CAPN14: variants seen among roughly 807,000 people sequenced by gnomAD.
The protein encoded by CAPN14 is calpain-14.
A neutral mutation model predicts 101.3 loss-of-function variants in CAPN14; 94 were observed. That is an observed-to-expected ratio of 0.93 (90% CI 0.79 to 1.10). The LOEUF (loss-of-function observed/expected upper bound fraction) is 1.10, where lower values mean the gene tolerates loss of function less well. Among genes scored for constraint, CAPN14 ranks in the 50% least tolerant of loss-of-function variants. The pLI is 0.00. For synonymous variants in CAPN14, 338 were observed against 317.9 expected (o/e 1.06, Z -0.67); for missense variants, 837 against 828.4 (o/e 1.01, Z -0.13).
intron 1 of CAPN14, among the ~76,000 whole-genome samples, chr2:31,212,004 CA>C (rs1393913246): frequency 6.6e-6 from 1 of 152,096 alleles, no homozygotes; most frequent in Non-Finnish European, 1.5e-5. Context: ...CATCAAAACT[CA>C]ATGAACTATG....
At position 31,193,188 on chromosome 2, in the gene CAPN14, G is replaced by A. The variant is rs373818859; in HGVS notation, c.1057C>T (p.Arg353Trp). 1.7e-5 allele frequency: 27 copies of A among 1,551,332 alleles called. No individual in the cohort carries two copies. Among genetic ancestry groups the A allele is most frequent in the African/African-American group, 1.5e-4 (11 of 73,030 alleles). ...CTCCGCTTCTCCCATCTCCCCTCCC[G>A]CATGGTGTACGTCCACTTCTGGGCC... ...EAAQKWTYTM[R>W]EGRWEKRSTA... Residue 353 changes from arginine (R) to tryptophan (W), a missense_variant, in exon 10 of 22, where the codon CGG becomes TGG. Arg to Trp is a moderately radical substitution (Grantham distance 101). Transcript: ENST00000403897.
intron 1 of CAPN14, among the ~76,000 whole-genome samples, chr2:31,214,617 C>T (rs922307461): frequency 6.6e-6 from 1 of 152,142 alleles, no homozygotes; most frequent in Non-Finnish European, 1.5e-5. Context: ...CTGCATGCCT[C>T]TATGGAGGTC....
At chr2:31,224,692 CTA>C (rs905655037) in intron 2 of CAPN14, among the ~76,000 whole-genome samples, 2 of 151,652 alleles carry the variant, frequency 1.3e-5, no homozygotes, top group African/African-American at 4.8e-5. Flanking sequence ...AATAAAATAA[CTA>C]TATATATTGT....
At chr2:31,201,179 ATGTGCATGTGTG>A (rs1245395848) in intron 5 of CAPN14, among the ~76,000 whole-genome samples, 13 of 133,220 alleles carry the variant, frequency 9.8e-5, no homozygotes, top group African/African-American at 2.3e-4. Context: ...GCGTGCATGT[ATGTGCATGTGTG>A]TGTGCATGTG....
intron 16 of CAPN14, among the ~76,000 whole-genome samples, chr2:31,185,319 A>G (rs1161184269): frequency 1.3e-5 from 2 of 152,192 alleles, no homozygotes; most frequent in Non-Finnish European, 2.9e-5. Flanking sequence ...TGGTGATAAG[A>G]TTTGTTGTAA....
At chr2:31,206,021 A>ATTTTTTTTTTTTTTTTTTTTTT (rs200116287) in intron 1 of CAPN14, among the ~76,000 whole-genome samples, 3 of 108,750 alleles carry the variant, frequency 2.8e-5, no homozygotes, top group Non-Finnish European at 4.0e-5. Context: ...CATTATCTTT[A>ATTTTTTTTTTTTTTTTTTTTTT]TTTTTTTTAT....
chr2:31,179,234 C>G (rs7567330), intron 17 of CAPN14, among the ~76,000 whole-genome samples: 52,395 of 151,382 alleles, frequency 0.35, 10,566 homozygotes, highest in African/African-American at 0.55. Flanking sequence ...CCCCCACCCC[C>G]TGACAGGTCC....
At chr2:31,189,529 T>G (rs546006518) in intron 12 of CAPN14, 51 bp from the exon 13 acceptor site, 5 of 1,446,996 alleles carry the variant, frequency 3.5e-6, no homozygotes, top group Non-Finnish European at 4.7e-6. Flanking sequence ...CCCAGGGCTG[T>G]GGCCAGGCCT....
Position 31,180,985 on chromosome 2 carries a change from T to C in CAPN14, c.1661A>G (p.Gln554Arg). ...QMTWSSLGSR[Q>R]PFFSLEACQG... The stretch of plus-strand genomic sequence containing the variant: ...GCAGGCTTCCAGGCTAAAGAAGGGC[T>C]GTCTGCTCCCCAGACCTGTGAAGGA... The change falls in exon 17 of 22, where the codon CAG becomes CGG. Residue 554 changes from glutamine to arginine, a missense_variant. By Grantham distance (43) the Gln-to-Arg change is conservative (BLOSUM62 1). Transcript: ENST00000403897. 6.4e-7 allele frequency: 1 copy of C among 1,551,828 alleles called. No homozygotes were observed. Among genetic ancestry groups the C allele is most frequent in the Non-Finnish European group, 8.7e-7 (1 of 1,146,996 alleles).
chr2:31,186,433 C>A lies in CAPN14; in HGVS notation c.1640G>T (p.Trp547Leu). ...QLQNLLNQMTWSSLGSRQPFF... is the reference protein window; with the variant it reads ...QLQNLLNQMTLSSLGSRQPFF... ...AATGGCTCTAAAACACTTACTTGACCAGGTCATCTGGTTCAGGAGGTTCTG... is the reference window on the plus strand; with the variant it reads ...AATGGCTCTAAAACACTTACTTGACAAGGTCATCTGGTTCAGGAGGTTCTG... The change falls in exon 16 of 22, where the codon TGG (tryptophan) becomes TTG (leucine). Residue 547 changes from tryptophan (W) to leucine (L), a missense_variant. Transcript: ENST00000403897. 1 of 1,548,626 alleles carries A rather than the reference C, an allele frequency of 6.5e-7. No individual in the cohort carries two copies. Among genetic ancestry groups the A allele is most frequent in the South Asian group, 1.2e-5 (1 of 83,496 alleles).
Position 31,209,884 on chromosome 2 carries a change from G to GA in CAPN14, c.-52-4386dup, listed in dbSNP as rs201974148. Among the ~76,000 whole-genome samples the GA allele has an allele frequency of 2.5e-3, 373 of 149,340 alleles. 2 individuals carry two copies. The highest frequency in any genetic ancestry group is 3.0e-3 in the Non-Finnish European group (203 of 67,148). On this transcript the variant is annotated intron_variant, in intron 1 of 21. Coordinates refer to ENST00000403897, the MANE Select transcript of CAPN14 (RefSeq NM_001145122.2). ...ATCAGAGCTACTTGGCCTTTTAAAA[G>GA]AAAAAAAAAATTGAGAGCTAGTTGT...
intron 18 of CAPN14, among the ~76,000 whole-genome samples, chr2:31,178,309 T>A (rs1006480594): frequency 6.6e-6 from 1 of 152,176 alleles, no homozygotes; most frequent in African/African-American, 2.4e-5. Flanking sequence ...GATATGTGTT[T>A]TGGAACTTCA....
chr2:31,205,093 G>A, intron 2 of CAPN14, 130 bp downstream of exon 2: 1 of 734,676 alleles, frequency 1.4e-6, no homozygotes, highest in Non-Finnish European at 2.3e-6. Flanking sequence ...TGTTAGAAGA[G>A]TGTGTTGTGT....
intron 5 of CAPN14, among the ~76,000 whole-genome samples, chr2:31,201,402 A>C (rs1681773612): frequency 6.6e-6 from 1 of 152,154 alleles, no homozygotes; most frequent in Non-Finnish European, 1.5e-5. Flanking sequence ...ACAGGGACCC[A>C]AGCAGGTGGA....
chr2:31,212,312 C>CAAAAAAAAAAAAAACAAAAAAAAAAA, intron 1 of CAPN14, among the ~76,000 whole-genome samples: 1 of 110,440 alleles, frequency 9.1e-6, no homozygotes. Context: ...CGTCTCAAAA[C>CAAAAAAAAAAAAAACAAAAAAAAAAA]AAAAAAAAAA....
At chr2:31,201,198 T>A (rs1288353454) in intron 5 of CAPN14, among the ~76,000 whole-genome samples, 1 of 123,712 alleles carries the variant, frequency 8.1e-6, no homozygotes, top group Admixed American at 7.9e-5. Context: ...TGTGTGTGCA[T>A]GTGTGTGTGT....
rs372639954 is a variant in CAPN14, at chr2:31,199,018, T to C, written c.789+452A>G. Among the ~76,000 whole-genome samples the C allele has an allele frequency of 4.3e-4, 65 of 152,348 alleles. 1 individual carries two copies. Among genetic ancestry groups the C allele is most frequent in the African/African-American group, 1.5e-3 (63 of 41,592 alleles). ...CATTTTCAGATATGGTTTGTGACCA[T>C]ACCTGACTGTAAGCCCTTTGTAGGC... is the stretch of plus-strand genomic sequence containing the variant. On this transcript the variant is annotated intron_variant, in intron 7 of 21. Transcript: ENST00000403897.
At chr2:31,190,149 C>T (rs988438450) in intron 12 of CAPN14, among the ~76,000 whole-genome samples, 3 of 151,696 alleles carry the variant, frequency 2.0e-5, no homozygotes, top group Admixed American at 1.3e-4. Context: ...CTCTCTCTCT[C>T]TCTCTCTCTC....
Position 31,193,247 on chromosome 2 carries a change from C to T in CAPN14, c.998G>A (p.Cys333Tyr), listed in dbSNP as rs1383959271. 3 of 1,551,786 alleles carry T rather than the reference C, an allele frequency of 1.9e-6. No individual in the cohort carries two copies. Among genetic ancestry groups the T allele is most frequent in the Non-Finnish European group, 2.6e-6 (3 of 1,147,034 alleles). Residue 333 changes from cysteine (C) to tyrosine (Y), a missense_variant, in exon 10 of 22, where the codon TGT (cysteine) becomes TAT (tyrosine). Physicochemically the swap from Cys to Tyr is radical, Grantham distance 194. Coordinates refer to ENST00000403897, the MANE Select transcript of CAPN14 (RefSeq NM_001145122.2). Reference protein sequence around the residue: ...FKTHFVLLVICKLTPGLLSQE... With the variant: ...FKTHFVLLVIYKLTPGLLSQE... ...GCTCAACAGGCCTGGGGTCAGTTTACAGATAACCAGGAGCACGAAATGTGT... is the reference window on the plus strand; with the variant it reads ...GCTCAACAGGCCTGGGGTCAGTTTATAGATAACCAGGAGCACGAAATGTGT...
Sources: allele counts gnomAD v4.1 joint callset (sites outside exome capture counted in the v4.1 genomes callset), GRCh38; gene constraint gnomAD v4.1.1; transcripts MANE v1.5; gene names NCBI Gene and HGNC (gene_info 2026-07-23, HGNC 2026-07-21).